DCAKD: variants seen among roughly 807,000 people sequenced by gnomAD.
The protein encoded by DCAKD is dephospho-CoA kinase domain containing, also known as dephospho-CoA kinase domain-containing protein.
A neutral mutation model predicts 18.7 loss-of-function variants in DCAKD; 15 were observed. That is an observed-to-expected ratio of 0.80 (90% CI 0.54 to 1.24). DCAKD has a LOEUF of 1.24. Ranked by LOEUF, DCAKD falls within the 50% of genes most tolerant of loss-of-function variation. The probability of loss-of-function intolerance (pLI) is 0.00; values close to 1 mark genes in which losing one functional copy is unlikely to be tolerated. For missense variants in DCAKD, 301 were observed against 322.0 expected (o/e 0.93, Z 0.50); for synonymous variants, 130 against 133.0 (o/e 0.98, Z 0.16).
intron 1 of DCAKD, among the ~76,000 whole-genome samples, chr17:45,059,157 G>A (rs868590289): frequency 2.0e-5 from 3 of 152,020 alleles, no homozygotes; most frequent in Non-Finnish European, 2.9e-5. Context: ...GGAGAATGGC[G>A]TGAACCCGGG....
chr17:45,024,693 G>C lies in DCAKD; in HGVS notation c.436C>G (p.Arg146Gly), dbSNP rs981102185. 3 of 1,592,484 alleles carry C rather than the reference G, an allele frequency of 1.9e-6. No homozygotes were observed. The highest frequency in any genetic ancestry group is 4.5e-5 in the East Asian group (2 of 44,398). The change falls in exon 5 of 5, where the codon CGG becomes GGG. Residue 146 changes from arginine to glycine, a missense_variant. Coordinates refer to ENST00000651974, the MANE Select transcript of DCAKD (RefSeq NM_001288655.2). Reference sequence around the variant, plus strand: ...TCCTTGCGGTTCAGGCTGTTCCGCCGCATCAGCCGTGCCAGCTGTGTGTCC... The same window carrying C: ...TCCTTGCGGTTCAGGCTGTTCCGCCCCATCAGCCGTGCCAGCTGTGTGTCC... ...DRDTQLARLMRRNSLNRKDAE... is the reference protein window; with the variant it reads ...DRDTQLARLMGRNSLNRKDAE...
rs753185708 is a variant in DCAKD at position 45,024,431 on chromosome 17, C to T, written c.*2G>A. On this transcript the variant is annotated 3_prime_UTR_variant, in exon 5 of 5. Transcript: ENST00000651974. ...CTGGGGCTCCCTGCCTTGAGTGCCC[C>T]ACTAGGCGTAAGGCAGAAGGTAGTG... The T allele has an allele frequency of 6.3e-7, 1 of 1,593,628 alleles. No homozygotes were observed. Among genetic ancestry groups the T allele is most frequent in the Non-Finnish European group, 8.6e-7 (1 of 1,163,802 alleles).
At chr17:45,050,585 C>A (rs898618272) in intron 1 of DCAKD, among the ~76,000 whole-genome samples, 1 of 152,108 alleles carries the variant, frequency 6.6e-6, no homozygotes, top group Non-Finnish European at 1.5e-5. Context: ...ATCCATCTAC[C>A]AGATCTCTAG....
At chr17:45,026,721 C>G (rs2053063488) in intron 4 of DCAKD, 1 of 985,316 alleles carries the variant, frequency 1.0e-6, no homozygotes, top group South Asian at 4.7e-5. Flanking sequence ...TAGATTTCCT[C>G]TGTTACGGGG....
At chr17:45,057,248 GC>G (rs1300963906) in intron 1 of DCAKD, among the ~76,000 whole-genome samples, 1 of 151,658 alleles carries the variant, frequency 6.6e-6, no homozygotes, top group East Asian at 2.0e-4. Flanking sequence ...CCTCTATGTT[GC>G]CCAGGCAGGT....
intron 3 of DCAKD, among the ~76,000 whole-genome samples, chr17:45,032,884 G>C (rs1432147516): frequency 6.6e-6 from 1 of 152,144 alleles, no homozygotes; most frequent in Non-Finnish European, 1.5e-5. Flanking sequence ...CGGAGGCCCA[G>C]GCTGGAGGCC....
chr17:45,032,768 C>G (rs1185613252), intron 3 of DCAKD, among the ~76,000 whole-genome samples: 1 of 142,354 alleles, frequency 7.0e-6, no homozygotes, highest in African/African-American at 2.7e-5. Flanking sequence ...GGTGACAGAG[C>G]GAGACTCCAT....
Position 45,046,615 on chromosome 17 carries a change from C to CAAAA in DCAKD, c.-115+4742_-115+4745dup, listed in dbSNP as rs746591313. On this transcript the variant is annotated intron_variant, in intron 1 of 4. Transcript: ENST00000651974. ...TGGGCGACAGAGCGAGATTCCATCT[C>CAAAA]AAAAAAAAAAAAAAAAAAAAAAAGC... Among the ~76,000 whole-genome samples the CAAAA allele has an allele frequency of 3.4e-4, 17 of 50,082 alleles. 1 individual carries two copies. Among genetic ancestry groups the CAAAA allele is most frequent in the South Asian group, 7.9e-4 (1 of 1,260 alleles). 32.9% of individuals were successfully genotyped at this position (50,082 alleles called of 152,430 possible).
upstream of DCAKD, among the ~76,000 whole-genome samples, chr17:45,052,598 T>C (rs908367401): frequency 2.6e-5 from 4 of 151,512 alleles, no homozygotes; most frequent in African/African-American, 9.7e-5. Context: ...CCGGGCACGG[T>C]GGCTCACACC....
At chr17:45,060,901 C>T (rs2053843389) in exon 1 of DCAKD, 1 of 467,898 alleles carries the variant, frequency 2.1e-6, no homozygotes, top group Non-Finnish European at 2.8e-6. Context: ...GGAAACGTAA[C>T]GGTCCTTAAC....
intron 1 of DCAKD, among the ~76,000 whole-genome samples, chr17:45,060,085 C>T (rs894099762): frequency 3.6e-4 from 55 of 152,064 alleles, no homozygotes; most frequent in Non-Finnish European, 5.6e-4. Flanking sequence ...GCCTGGGAGT[C>T]AGAGAGAGAC....
At chr17:45,027,582 G>A (rs576745182) in intron 4 of DCAKD, among the ~76,000 whole-genome samples, 6 of 152,252 alleles carry the variant, frequency 3.9e-5, no homozygotes, top group East Asian at 1.9e-4. Context: ...TCCTCTGGCC[G>A]GTGAGTGGGG....
intron 1 of DCAKD, among the ~76,000 whole-genome samples, chr17:45,060,085 CAGAG>C (rs1285942996): frequency 6.6e-6 from 1 of 152,064 alleles, no homozygotes; most frequent in Admixed American, 6.6e-5. Flanking sequence ...GCCTGGGAGT[CAGAG>C]AGAGACTCCG....
At chr17:45,038,682 C>A (rs867851584) in intron 1 of DCAKD, among the ~76,000 whole-genome samples, 15 of 152,180 alleles carry the variant, frequency 9.9e-5, no homozygotes, top group Middle Eastern at 6.8e-3. Flanking sequence ...GATGGAAATT[C>A]CAGCCTCCCG....
intron 4 of DCAKD, among the ~76,000 whole-genome samples, chr17:45,026,144 C>T (rs527306625): frequency 1.1e-4 from 16 of 152,094 alleles, no homozygotes; most frequent in African/African-American, 3.6e-4. Flanking sequence ...GTCTTGAACT[C>T]CTGACCTCAG....
At chr17:45,045,924 A>C (rs112583882) in intron 1 of DCAKD, among the ~76,000 whole-genome samples, 13,629 of 151,416 alleles carry the variant, frequency 0.09, 718 homozygotes, top group East Asian at 0.15. Context: ...CTCCTGGGTT[A>C]AAGCGATTCT....
intron 1 of DCAKD, among the ~76,000 whole-genome samples, chr17:45,045,807 C>T (rs116157379): frequency 0.045 from 6,870 of 151,060 alleles, 512 homozygotes; most frequent in African/African-American, 0.16. Flanking sequence ...CATGGGCAAG[C>T]TGGAACTCAA....
intron 1 of DCAKD, among the ~76,000 whole-genome samples, chr17:45,059,435 C>G (rs543434389): frequency 6.6e-6 from 1 of 152,236 alleles, no homozygotes; most frequent in Admixed American, 6.5e-5. Context: ...AATTAGTCCT[C>G]TCATCACCCA....
chr17:45,033,533 C>T (rs1385135228), intron 3 of DCAKD, among the ~76,000 whole-genome samples: 1 of 152,138 alleles, frequency 6.6e-6, no homozygotes, highest in Non-Finnish European at 1.5e-5. Context: ...GGTGCAATCT[C>T]GGTTCACTGC....
Sources: gnomAD v4.1 joint callset for allele counts (sites outside exome capture counted in the v4.1 genomes callset) on GRCh38, gnomAD v4.1.1 for gene constraint, MANE v1.5 for transcripts, NCBI Gene and HGNC (gene_info 2026-07-23, HGNC 2026-07-21) for gene names.